PIP4K2B: variants seen among roughly 807,000 people sequenced by gnomAD.
PIP4K2B encodes phosphatidylinositol 5-phosphate 4-kinase type-2 beta.
Under a neutral mutation model 42.0 loss-of-function variants are expected in PIP4K2B, and 3 were observed. The observed-to-expected ratio is 0.07, with a 90% confidence interval of 0.03 to 0.18. PIP4K2B has a LOEUF of 0.18. Ranked by LOEUF, PIP4K2B falls within the 10% of genes least tolerant of loss-of-function variation. The pLI, the probability that PIP4K2B is intolerant of heterozygous loss-of-function variation, is 1.00. For missense variants in PIP4K2B, 332 were observed against 562.3 expected (o/e 0.59, Z 4.14); for synonymous variants, 204 against 210.1 (o/e 0.97, Z 0.25).
Position 38,770,449 on chromosome 17 carries a change from G to A in PIP4K2B, c.1157C>T (p.Thr386Met), listed in dbSNP as rs1428783424. Residue 386 changes from threonine to methionine, a missense_variant, in exon 9 of 10, where the codon ACG becomes ATG. By Grantham distance (81) the Thr-to-Met change is moderately conservative. Around this residue, in one of 6 missense-constraint regions of PIP4K2B, gnomAD observed 26 missense variants for 76.4 expected, o/e 0.34. Coordinates refer to ENST00000619039, the MANE Select transcript of PIP4K2B (RefSeq NM_003559.5). Reference protein sequence around the residue: ...TKKKAAHAAKTVKHGAGAEIS... With the variant: ...TKKKAAHAAKMVKHGAGAEIS... ...GAGAGGACTCACCCCGTGTTTCACC[G>A]TTTTGGCAGCATGTGCAGCTTTCTT... 6.2e-7 allele frequency: 1 copy of A among 1,608,894 alleles called. No homozygotes were observed. The highest frequency in any genetic ancestry group is 8.5e-7 in the Non-Finnish European group (1 of 1,175,550).
At position 38,779,482 on chromosome 17, in the gene PIP4K2B, G is replaced by A; in HGVS notation, c.555C>T (p.Gly185=). 10 of 1,613,976 alleles carry A rather than the reference G, an allele frequency of 6.2e-6. No homozygotes were observed. Among genetic ancestry groups the A allele is most frequent in the Non-Finnish European group, 8.5e-6 (10 of 1,179,816 alleles). Residue 185 remains glycine (G), a synonymous_variant, in exon 5 of 10, where the codon GGC becomes GGT. Coordinates refer to ENST00000619039, the MANE Select transcript of PIP4K2B (RefSeq NM_003559.5). ...HGNTLLPQFL[G]MYRLTVDGVE... Reference sequence around the variant, plus strand: ...CACCATCCACGGTCAGGCGGTACATGCCCAGGAACTGTGGCAAAAGCGTGT... The same window carrying A: ...CACCATCCACGGTCAGGCGGTACATACCCAGGAACTGTGGCAAAAGCGTGT...
intron 1 of PIP4K2B, among the ~76,000 whole-genome samples, chr17:38,791,437 A>C (rs1434213584): frequency 1.6e-5 from 1 of 62,862 alleles, no homozygotes; most frequent in African/African-American, 6.7e-5. Context: ...TTTTTTTGAG[A>C]TAGAGCTTTG....
At chr17:38,781,350 C>T (rs896864667) in intron 3 of PIP4K2B, among the ~76,000 whole-genome samples, 1 of 151,836 alleles carries the variant, frequency 6.6e-6, no homozygotes, top group Admixed American at 6.6e-5. Flanking sequence ...TGTGGGAAGG[C>T]GTGAGTCAAC....
chr17:38,774,344 G>A (rs1304610404), intron 7 of PIP4K2B, among the ~76,000 whole-genome samples: 1 of 152,208 alleles, frequency 6.6e-6, no homozygotes, highest in Non-Finnish European at 1.5e-5. Context: ...CGGTGAGGAA[G>A]AGGGAACTCC....
At chr17:38,795,593 A>G (rs1313693635) in intron 1 of PIP4K2B, among the ~76,000 whole-genome samples, 1 of 151,622 alleles carries the variant, frequency 6.6e-6, no homozygotes, top group African/African-American at 2.4e-5. Context: ...TCTACTAAGA[A>G]TACAAAAGTT....
intron 1 of PIP4K2B, among the ~76,000 whole-genome samples, chr17:38,789,681 A>C (rs1296034608): frequency 1.2e-4 from 19 of 152,218 alleles, no homozygotes; most frequent in Admixed American, 2.6e-4. Flanking sequence ...TTAATGCAGT[A>C]ACTGGGCTGG....
At chr17:38,782,168 G>T (rs1269672112) in intron 3 of PIP4K2B, among the ~76,000 whole-genome samples, 1 of 152,212 alleles carries the variant, frequency 6.6e-6, no homozygotes, top group Non-Finnish European at 1.5e-5. Flanking sequence ...AGTAGACTCT[G>T]TGACTGAGCG....
At chr17:38,782,629 G>A (rs372843567) in intron 3 of PIP4K2B, among the ~76,000 whole-genome samples, 1 of 152,152 alleles carries the variant, frequency 6.6e-6, no homozygotes, top group East Asian at 1.9e-4. Flanking sequence ...CAAGCCCAAG[G>A]CATCTCCTCC....
intron 7 of PIP4K2B, among the ~76,000 whole-genome samples, chr17:38,775,597 CCTGTAATCCCAGCACTCTG>C (rs1244127853): frequency 2.0e-5 from 3 of 152,094 alleles, no homozygotes; most frequent in African/African-American, 7.2e-5. Context: ...GTGGCTCACG[CCTGTAATCCCAGCACTCTG>C]GGAGGCCGAG....
rs535521992 is a variant in PIP4K2B at position 38,789,584 on chromosome 17, A to G, written c.160-2664T>C. On this transcript the variant is annotated intron_variant, in intron 1 of 9. Coordinates refer to ENST00000619039, the MANE Select transcript of PIP4K2B (RefSeq NM_003559.5). ...CATTAGAACTCCTCCAGGAGCATAA[A>G]TGGGGGAAATGGCATTTAATTTGCT... Among the ~76,000 whole-genome samples the G allele has an allele frequency of 2.0e-5, 3 of 152,314 alleles. No homozygotes were observed. The South Asian group carries it at 6.2e-4, about 32-fold the overall frequency.
intron 7 of PIP4K2B, among the ~76,000 whole-genome samples, chr17:38,772,169 C>T (rs1412783224): frequency 6.6e-6 from 1 of 152,072 alleles, no homozygotes; most frequent in Non-Finnish European, 1.5e-5. Context: ...GTCCTAAACC[C>T]AATGTAGTGG....
At chr17:38,788,638 C>T (rs1910170690) in intron 1 of PIP4K2B, among the ~76,000 whole-genome samples, 1 of 152,066 alleles carries the variant, frequency 6.6e-6, no homozygotes, top group Non-Finnish European at 1.5e-5. Context: ...AGGAGGATCA[C>T]TTGAGGCCAG....
chr17:38,794,903 C>A (rs1456499756), intron 1 of PIP4K2B, among the ~76,000 whole-genome samples: 1 of 151,538 alleles, frequency 6.6e-6, no homozygotes, highest in Non-Finnish European at 1.5e-5. Context: ...AGTTCGAGAC[C>A]AGTCTGGCCA....
At chr17:38,776,606 G>A in intron 7 of PIP4K2B, 1 of 443,016 alleles carries the variant, frequency 2.3e-6, no homozygotes, top group Non-Finnish European at 4.5e-6. Flanking sequence ...ACTCCAGCCT[G>A]GGGACAGAAC....
chr17:38,797,358 G>A (rs902139059), intron 1 of PIP4K2B, among the ~76,000 whole-genome samples: 5 of 152,264 alleles, frequency 3.3e-5, no homozygotes, highest in Middle Eastern at 3.4e-3. Context: ...GACATGCATA[G>A]GCGTATAACC....
At chr17:38,777,162 C>G (rs1396521676) in intron 7 of PIP4K2B, among the ~76,000 whole-genome samples, 5 of 152,188 alleles carry the variant, frequency 3.3e-5, no homozygotes, top group Non-Finnish European at 7.3e-5. Flanking sequence ...CTCCCGGGCT[C>G]AAACAATCCT....
In PIP4K2B at chr17:38,780,476, G is replaced by A. The variant is rs1358960067; in HGVS notation, c.483C>T (p.His161=). The change falls in exon 4 of 10, where the codon CAC becomes CAT. Residue 161 remains histidine (H), a synonymous_variant. Transcript: ENST00000619039. ...TVSSEDVAEM[H]NILKKYHQFI... is the part of the protein sequence containing the mutation. Reference sequence around the variant, plus strand: ...CCTGGTGGTATTTCTTTAAGATGTTGTGCATCTCCGCCACGTCCTCGCTGG... The same window carrying A: ...CCTGGTGGTATTTCTTTAAGATGTTATGCATCTCCGCCACGTCCTCGCTGG... 5 of 1,612,824 alleles carry A rather than the reference G, an allele frequency of 3.1e-6. No homozygotes were observed. The African/African-American group carries it at 6.7e-5, about 22-fold the overall frequency.
intron 5 of PIP4K2B, among the ~76,000 whole-genome samples, chr17:38,779,115 G>A (rs140615523): frequency 7.2e-5 from 11 of 152,312 alleles, no homozygotes; most frequent in Admixed American, 2.6e-4. Flanking sequence ...GCGTCAGCAC[G>A]GCCTCCCTCA....
intron 7 of PIP4K2B, among the ~76,000 whole-genome samples, chr17:38,771,683 T>C (rs544359899): frequency 4.6e-5 from 7 of 151,172 alleles, no homozygotes; most frequent in Admixed American, 6.6e-5. Context: ...AGGTTAAAGA[T>C]AGAACGAGCA....
Sources: gnomAD v4.1 joint callset for allele counts (sites outside exome capture counted in the v4.1 genomes callset) on GRCh38, gnomAD v4.1.1 for gene constraint, gnomAD v4.1.1 regional missense constraint, MANE v1.5 for transcripts, NCBI Gene and HGNC (gene_info 2026-07-23, HGNC 2026-07-21) for gene names.